Variants in KHDRBS3 observed in about 807,000 individuals in gnomAD.
KHDRBS3 encodes the protein KH RNA binding domain containing, signal transduction associated 3, also known as KH domain-containing, RNA-binding, signal transduction-associated protein 3.
Under a neutral mutation model 45.6 loss-of-function variants are expected in KHDRBS3, and 23 were observed. The ratio of observed to expected loss-of-function variants is 0.50; its 90% CI spans 0.36 to 0.72. The LOEUF is 0.72. Among genes scored for constraint, KHDRBS3 ranks in the 30% least tolerant of loss-of-function variants. The pLI, the probability that KHDRBS3 is intolerant of heterozygous loss-of-function variation, is 0.00. For missense variants in KHDRBS3, 352 were observed against 424.8 expected (o/e 0.83, Z 1.51); for synonymous variants, 162 against 156.5 (o/e 1.04, Z -0.26).
intron 1 of KHDRBS3, among the ~76,000 whole-genome samples, chr8:135,496,532 AC>A (rs528532364): frequency 8.4e-4 from 127 of 151,022 alleles, no homozygotes; most frequent in Admixed American, 1.6e-3. Context: ...CATACCTGGC[AC>A]AAGCATTTTT....
chr8:135,496,189 CA>C (rs71578127), intron 1 of KHDRBS3, among the ~76,000 whole-genome samples: 52,560 of 140,624 alleles, frequency 0.37, 10,762 homozygotes, highest in South Asian at 0.54. Flanking sequence ...AAAGGTCATG[CA>C]AAAAAAAAAT....
chr8:135,605,606 A>G lies in KHDRBS3; in HGVS notation c.808-1349A>G, dbSNP rs564611311. On this transcript the variant is annotated intron_variant, in intron 6 of 8. Transcript: ENST00000355849. ...ACACAACTATCCCCTGTGTATACCA[A>G]AATCCACACATAATCAAGTTTCATA... Among the ~76,000 whole-genome samples the G allele has an allele frequency of 8.5e-5, 13 of 152,324 alleles. No homozygotes were observed. In the South Asian group the frequency reaches 1.9e-3, roughly 22 times the overall value.
At chr8:135,644,475 C>T (rs1270212444) in intron 7 of KHDRBS3, among the ~76,000 whole-genome samples, 2 of 152,130 alleles carry the variant, frequency 1.3e-5, no homozygotes, top group African/African-American at 4.8e-5. Flanking sequence ...GCAACAGTGC[C>T]GGTCAAAGAA....
At chr8:135,557,047 G>A (rs982655431) in intron 4 of KHDRBS3, among the ~76,000 whole-genome samples, 2 of 152,184 alleles carry the variant, frequency 1.3e-5, no homozygotes, top group Non-Finnish European at 2.9e-5. Flanking sequence ...GTCCTTGGGT[G>A]CTGGGCTATG....
chr8:135,522,830 T>TTG (rs1824987808), intron 2 of KHDRBS3, among the ~76,000 whole-genome samples: 1 of 152,212 alleles, frequency 6.6e-6, no homozygotes, highest in Non-Finnish European at 1.5e-5. Context: ...AAATGAATTT[T>TTG]TGTATATGGT....
At chr8:135,520,951 C>G (rs1286803358) in intron 1 of KHDRBS3, among the ~76,000 whole-genome samples, 1 of 152,094 alleles carries the variant, frequency 6.6e-6, no homozygotes, top group African/African-American at 2.4e-5. Flanking sequence ...ATCTAGTTAT[C>G]CAGAAGACCT....
At chr8:135,611,293 G>A (rs1364368561) in intron 7 of KHDRBS3, among the ~76,000 whole-genome samples, 1 of 151,876 alleles carries the variant, frequency 6.6e-6, no homozygotes, top group African/African-American at 2.4e-5. Context: ...GAAAACAGTG[G>A]CTCACACAAT....
chr8:135,470,283 A>C (rs1821947544), intron 1 of KHDRBS3, among the ~76,000 whole-genome samples: 1 of 151,554 alleles, frequency 6.6e-6, no homozygotes, highest in Non-Finnish European at 1.5e-5. Flanking sequence ...GCCTTATAAG[A>C]TTTTGATTTA....
At chr8:135,567,154 C>T (rs1441038092) in intron 5 of KHDRBS3, among the ~76,000 whole-genome samples, 1 of 152,080 alleles carries the variant, frequency 6.6e-6, no homozygotes, top group African/African-American at 2.4e-5. Flanking sequence ...GCGTTAACTG[C>T]TGTGCCAAAG....
chr8:135,531,363 G>A (rs987938004), intron 2 of KHDRBS3, among the ~76,000 whole-genome samples: 3 of 151,570 alleles, frequency 2.0e-5, no homozygotes, highest in African/African-American at 7.3e-5. Context: ...TCTGTAGTTG[G>A]AAAATTAATA....
rs1823798614 is a variant in KHDRBS3, at chr8:135,502,815, C to G, written c.89-18422C>G. 1.1e-4 allele frequency among the ~76,000 whole-genome samples: 16 copies of G among 152,304 alleles called. No individual in the cohort carries two copies. In the South Asian group the frequency reaches 3.3e-3, roughly 32 times the overall value. On this transcript the variant is annotated intron_variant, in intron 1 of 8. Coordinates refer to ENST00000355849, the MANE Select transcript of KHDRBS3 (RefSeq NM_006558.3). The stretch of plus-strand genomic sequence containing the variant: ...ATAAATGTCTCAATTTCAGTGGCAT[C>G]TCTTTCTGCTGATCACCTCTTTTCC...
intron 7 of KHDRBS3, among the ~76,000 whole-genome samples, chr8:135,628,522 G>T (rs12156386): frequency 3.9e-5 from 6 of 152,024 alleles, no homozygotes; most frequent in African/African-American, 9.7e-5. Context: ...TTTTAAAGAC[G>T]AAAGATAAAT....
intron 2 of KHDRBS3, among the ~76,000 whole-genome samples, chr8:135,537,420 A>G (rs895527301): frequency 6.6e-6 from 1 of 152,228 alleles, no homozygotes; most frequent in South Asian, 2.1e-4. Context: ...GTGTCATGTC[A>G]CAATTATAGT....
intron 2 of KHDRBS3, among the ~76,000 whole-genome samples, chr8:135,522,459 A>T (rs187433301): frequency 6.6e-6 from 1 of 152,340 alleles, no homozygotes; most frequent in East Asian, 1.9e-4. Context: ...ATTGTTGTGT[A>T]TTTAGTATTA....
At chr8:135,641,812 A>G (rs905272558) in intron 7 of KHDRBS3, among the ~76,000 whole-genome samples, 13 of 152,258 alleles carry the variant, frequency 8.5e-5, no homozygotes, top group African/African-American at 3.1e-4. Flanking sequence ...TCAAGACAAG[A>G]GAAATATTCT....
chr8:135,607,481 A>G (rs1484848962), intron 7 of KHDRBS3, among the ~76,000 whole-genome samples: 5 of 152,196 alleles, frequency 3.3e-5, no homozygotes, highest in Non-Finnish European at 7.3e-5. Context: ...TATCAACTTC[A>G]AACTCCTACC....
At chr8:135,625,547 A>G in intron 7 of KHDRBS3, 1 of 911,656 alleles carries the variant, frequency 1.1e-6, no homozygotes, top group Non-Finnish European at 1.8e-6. Flanking sequence ...GGGTGTATTC[A>G]GAGCTGGAGC....
chr8:135,631,444 C>G (rs1830599192), intron 7 of KHDRBS3, among the ~76,000 whole-genome samples: 1 of 151,762 alleles, frequency 6.6e-6, no homozygotes. Flanking sequence ...TGTTTTTAAA[C>G]TAATGTTTTG....
rs138770487 is a variant in KHDRBS3, at chr8:135,506,264, G to A, written c.89-14973G>A. Among the ~76,000 whole-genome samples the A allele has an allele frequency of 6.8e-3, 1,033 of 152,240 alleles. 7 individuals carry two copies. The highest frequency in any genetic ancestry group is 0.024 in the African/African-American group (991 of 41,538). ...GTGCAAAACTAGTGACTGGGGATAAGATGATGAATAACACAGTTTTACCTG... is the reference window on the plus strand; with the variant it reads ...GTGCAAAACTAGTGACTGGGGATAAAATGATGAATAACACAGTTTTACCTG... On this transcript the variant is annotated intron_variant, in intron 1 of 8. Transcript: ENST00000355849.
Sources: gnomAD v4.1 joint callset for allele counts (sites outside exome capture counted in the v4.1 genomes callset) on GRCh38, gnomAD v4.1.1 for gene constraint, MANE v1.5 for transcripts, NCBI Gene and HGNC (gene_info 2026-07-23, HGNC 2026-07-21) for gene names.